The following ZDHHC11B variants were observed in gnomAD, a reference collection of about 807,000 sequenced individuals.
ZDHHC11B encodes the protein probable palmitoyltransferase ZDHHC11B.
A neutral mutation model predicts 42.3 loss-of-function variants in ZDHHC11B; 17 were observed. That is an observed-to-expected ratio of 0.40 (90% CI 0.27 to 0.60). The LOEUF (loss-of-function observed/expected upper bound fraction) is 0.60. ZDHHC11B is among the 20% of genes least tolerant of loss of function. The pLI, the probability that ZDHHC11B is intolerant of heterozygous loss-of-function variation, is 0.41. For synonymous variants in ZDHHC11B, 123 were observed against 193.5 expected (o/e 0.64, Z 3.02); for missense variants, 262 against 463.2 (o/e 0.57, Z 3.99).
chr5:777,114 G>A (rs1452465404), intron 1 of ZDHHC11B, among the ~76,000 whole-genome samples: 1 of 151,942 alleles, frequency 6.6e-6, no homozygotes, highest in East Asian at 1.9e-4. Context: ...AGTTCTTAAA[G>A]ATGGCGACCC....
At chr5:752,593 G>C (rs1745917404) in intron 6 of ZDHHC11B, among the ~76,000 whole-genome samples, 1 of 94,368 alleles carries the variant, frequency 1.1e-5, no homozygotes, top group African/African-American at 2.9e-5. Flanking sequence ...GGAGGCCAGA[G>C]CATGAATGCC....
chr5:779,319 C>T (rs571716866), intron 1 of ZDHHC11B, among the ~76,000 whole-genome samples: 233 of 149,174 alleles, frequency 1.6e-3, no homozygotes, highest in African/African-American at 3.6e-3. Context: ...GTGTTAACCC[C>T]GGACTGTGTC....
At chr5:732,439 G>C in intron 11 of ZDHHC11B, 1 of 316,122 alleles carries the variant, frequency 3.2e-6, no homozygotes, top group Non-Finnish European at 6.3e-6. Flanking sequence ...CCATGAGCCC[G>C]TGTGCCACAT....
chr5:734,261 A>G lies in ZDHHC11B; in HGVS notation c.936-422T>C, dbSNP rs577113042. Among the ~76,000 whole-genome samples, 17 of 109,038 alleles carry G rather than the reference A, an allele frequency of 1.6e-4. No homozygotes were observed. The South Asian group carries it at 3.4e-3, about 22-fold the overall frequency. The allele number at this position is 109,038 out of a possible 152,430, so 71.5% of individuals were successfully genotyped here. On this transcript the variant is annotated intron_variant, in intron 10 of 13. Transcript: ENST00000508859. ...AACCACCACAGCAGCATACCAGAAAAAACAAAAAGTCACAGAGCCTTTGGA... is the reference window on the plus strand; with the variant it reads ...AACCACCACAGCAGCATACCAGAAAGAACAAAAAGTCACAGAGCCTTTGGA...
At chr5:766,572 A>C in intron 4 of ZDHHC11B, 126 bp downstream of exon 4, 1 of 1,084,716 alleles carries the variant, frequency 9.2e-7, no homozygotes, top group Admixed American at 2.3e-5. Flanking sequence ...CTCGGGGGAC[A>C]TAGTCTGGCC....
rs528492940 is a variant in ZDHHC11B, at chr5:777,064, C to T, written c.-230+7604G>A. 1.1e-4 allele frequency among the ~76,000 whole-genome samples: 16 copies of T among 151,976 alleles called. 1 individual carries two copies. In the South Asian group the frequency reaches 1.5e-3, roughly 14 times the overall value. On this transcript the variant is annotated intron_variant, in intron 1 of 13. Coordinates refer to ENST00000508859, the MANE Select transcript of ZDHHC11B (RefSeq NM_001351303.2). ...ATTGGTGGGTTATTGGTCTCGCTGA[C>T]GTCAGGAATGAAGCTGCGGAGCCCC...
chr5:725,925 C>A (rs1665717955), intron 12 of ZDHHC11B, among the ~76,000 whole-genome samples: 1 of 152,132 alleles, frequency 6.6e-6, no homozygotes, highest in Non-Finnish European at 1.5e-5. Flanking sequence ...GGGGATGATG[C>A]AAAGGAACAG....
intron 1 of ZDHHC11B, among the ~76,000 whole-genome samples, chr5:770,288 C>A (rs1359994091): frequency 2.7e-5 from 4 of 150,100 alleles, no homozygotes; most frequent in African/African-American, 9.7e-5. Context: ...GAGCCAGCTG[C>A]CCCGCAGGCA....
chr5:773,759 A>G (rs1736243292), intron 1 of ZDHHC11B, among the ~76,000 whole-genome samples: 1 of 151,724 alleles, frequency 6.6e-6, no homozygotes, highest in Admixed American at 6.6e-5. Flanking sequence ...TTGGAGGCTG[A>G]GCCCACCCCA....
intron 1 of ZDHHC11B, among the ~76,000 whole-genome samples, chr5:775,929 T>C (rs1239669899): frequency 6.9e-6 from 1 of 145,182 alleles, no homozygotes; most frequent in Non-Finnish European, 1.5e-5. Flanking sequence ...ACAGGAGCTG[T>C]CCCAGGCCCT....
intron 1 of ZDHHC11B, among the ~76,000 whole-genome samples, chr5:776,533 T>C (rs1323375871): frequency 6.6e-6 from 1 of 151,770 alleles, no homozygotes; most frequent in East Asian, 1.9e-4. Context: ...CGCAGTGTGC[T>C]CCTGGCCTCA....
chr5:747,918 C>T lies in ZDHHC11B; in HGVS notation c.784+486G>A, dbSNP rs985557923. ...TTCAGCAACATGACTGACCGCCTAC[C>T]GCTGTGCCCACTGTGAGACCAAGCA... is the stretch of plus-strand genomic sequence containing the variant. On this transcript the variant is annotated intron_variant, in intron 8 of 13. Coordinates refer to ENST00000508859, the MANE Select transcript of ZDHHC11B (RefSeq NM_001351303.2). 1.4e-4 allele frequency: 43 copies of T among 296,706 alleles called. 5 individuals carry two copies. Among genetic ancestry groups the T allele is most frequent in the South Asian group, 6.2e-4 (9 of 14,426 alleles). 18.4% of individuals were successfully genotyped at this position (296,706 alleles called of 1,614,324 possible).
chr5:754,421 G>A (rs1405919390), intron 6 of ZDHHC11B, among the ~76,000 whole-genome samples: 2 of 121,484 alleles, frequency 1.6e-5, no homozygotes, highest in Non-Finnish European at 3.7e-5. Flanking sequence ...AACACCTCTC[G>A]CCTGTGAGCC....
intron 9 of ZDHHC11B, among the ~76,000 whole-genome samples, chr5:742,910 C>T (rs1320881914): frequency 1.3e-5 from 2 of 149,298 alleles, no homozygotes; most frequent in Non-Finnish European, 1.5e-5. Flanking sequence ...CTTTGTCTCA[C>T]TAAAGATCAC....
chr5:767,700 C>G (rs1257323047), intron 2 of ZDHHC11B, among the ~76,000 whole-genome samples, 176 bp from the exon 3 acceptor site: 1 of 103,476 alleles, frequency 9.7e-6, no homozygotes, highest in Non-Finnish European at 2.1e-5. Context: ...GTGTAACCAG[C>G]AGGGGTGTAA....
At chr5:774,351 T>C (rs1277583441) in intron 1 of ZDHHC11B, among the ~76,000 whole-genome samples, 3 of 152,174 alleles carry the variant, frequency 2.0e-5, no homozygotes, top group African/African-American at 4.8e-5. Context: ...CGGGTGTCCA[T>C]GTGGCATCAG....
At chr5:745,507 G>C (rs1201278537) in intron 8 of ZDHHC11B, among the ~76,000 whole-genome samples, 1 of 149,984 alleles carries the variant, frequency 6.7e-6, no homozygotes. Flanking sequence ...GTCAGCAGGA[G>C]GGGTCTGCAG....
chr5:756,534 A>C (rs1488398949), intron 4 of ZDHHC11B, among the ~76,000 whole-genome samples: 27 of 151,194 alleles, frequency 1.8e-4, no homozygotes, highest in African/African-American at 6.4e-4. Context: ...ACACAGGGCA[A>C]ATCCCCCACA....
At chr5:780,184 A>G (rs1306236713) in intron 1 of ZDHHC11B, among the ~76,000 whole-genome samples, 9 of 151,146 alleles carry the variant, frequency 6.0e-5, no homozygotes, top group Non-Finnish European at 8.9e-5. Flanking sequence ...ACTGCTTGGC[A>G]TCATCTGATG....
Sources: gnomAD v4.1 joint callset for allele counts (sites outside exome capture counted in the v4.1 genomes callset) on GRCh38, gnomAD v4.1.1 for gene constraint, MANE v1.5 for transcripts, NCBI Gene and HGNC (gene_info 2026-07-23, HGNC 2026-07-21) for gene names.